PIK3R1: variants seen among roughly 807,000 people sequenced by gnomAD.
The protein encoded by PIK3R1 is phosphoinositide-3-kinase regulatory subunit 1, also known as phosphatidylinositol 3-kinase regulatory subunit alpha.
Under a neutral mutation model 98.0 loss-of-function variants are expected in PIK3R1, and 29 were observed. That is an observed-to-expected ratio of 0.30 (90% CI 0.22 to 0.40). PIK3R1 has a LOEUF of 0.40. PIK3R1 is among the 10% of genes least tolerant of loss of function. PIK3R1 has a pLI of 1.00. For missense variants in PIK3R1, 596 were observed against 872.7 expected (o/e 0.68, Z 3.99); for synonymous variants, 282 against 311.8 (o/e 0.90, Z 1.01).
chr5:68,292,162 CTAACT>C lies in PIK3R1; in HGVS notation c.917-95_917-91del, dbSNP rs1344293975. ...ACTAATGCTATATATTTCAGTTACT[CTAACT>C]TTTTATTTTTTTAAAGTAAAAGTAT... On this transcript the variant is annotated intron_variant, in intron 7 of 15. Coordinates refer to ENST00000521381, the MANE Select transcript of PIK3R1 (RefSeq NM_181523.3). 8.7e-6 allele frequency: 6 copies of C among 687,592 alleles called. No homozygotes were observed. In the African/African-American group the frequency reaches 1.1e-4, roughly 13 times the overall value. The allele number at this position is 687,592 out of a possible 1,614,324, so 42.6% of individuals were successfully genotyped here. A position where few individuals can be genotyped will look rare whatever the true frequency, so the allele number is the denominator to read the frequency against.
intron 2 of PIK3R1, among the ~76,000 whole-genome samples, chr5:68,244,710 C>T (rs1220765286): frequency 1.3e-5 from 2 of 151,870 alleles, no homozygotes; most frequent in African/African-American, 2.4e-5. Flanking sequence ...TTTCTTCCTT[C>T]GTTTTGGAAT....
At chr5:68,294,479 C>A in intron 11 of PIK3R1, 57 bp from the exon 12 acceptor site, 1 of 1,327,774 alleles carries the variant, frequency 7.5e-7, no homozygotes, top group Non-Finnish European at 1.0e-6. Flanking sequence ...TAGTGTCTTG[C>A]AGTAAGAGAT....
chr5:68,272,906 C>G (rs1746419949), intron 2 of PIK3R1, among the ~76,000 whole-genome samples: 1 of 152,170 alleles, frequency 6.6e-6, no homozygotes, highest in African/African-American at 2.4e-5. Context: ...GTCAACTGTT[C>G]AATAAAATCT....
intron 2 of PIK3R1, among the ~76,000 whole-genome samples, chr5:68,235,834 A>G (rs1478654924): frequency 1.3e-5 from 2 of 151,352 alleles, no homozygotes; most frequent in African/African-American, 4.9e-5. Context: ...AACCTTAAAC[A>G]TTTGCAAACT....
intron 2 of PIK3R1, among the ~76,000 whole-genome samples, chr5:68,267,155 C>T (rs943377509): frequency 8.5e-5 from 13 of 152,248 alleles, no homozygotes; most frequent in African/African-American, 2.2e-4. Context: ...TGCTGTACAC[C>T]GTAAATTGTA....
intron 3 of PIK3R1, 111 bp downstream of exon 3, chr5:68,273,593 C>A: frequency 1.1e-6 from 1 of 919,752 alleles, no homozygotes; most frequent in African/African-American, 1.6e-5. Flanking sequence ...CCAGCTATGT[C>A]CAGATACTCT....
At chr5:68,295,375 A>G (rs1175352592) in intron 13 of PIK3R1, 45 bp from the exon 14 acceptor site, 10 of 1,613,076 alleles carry the variant, frequency 6.2e-6, no homozygotes, top group African/African-American at 1.3e-5. Flanking sequence ...GATTGCTACA[A>G]TTCAGGATGA....
intron 2 of PIK3R1, among the ~76,000 whole-genome samples, chr5:68,246,925 C>T (rs1274232800): frequency 6.6e-6 from 1 of 151,722 alleles, no homozygotes. Flanking sequence ...AATGCTGAGC[C>T]TTAAGAGGGG....
intron 7 of PIK3R1, among the ~76,000 whole-genome samples, chr5:68,290,451 T>C (rs2112236353): frequency 6.6e-6 from 1 of 152,318 alleles, no homozygotes; most frequent in South Asian, 2.1e-4. Flanking sequence ...AACAGTCAAA[T>C]TAAACACCTT....
intron 2 of PIK3R1, among the ~76,000 whole-genome samples, chr5:68,253,983 CT>C (rs5868528): frequency 0.49 from 63,073 of 129,284 alleles, 12,425 homozygotes; most frequent in African/African-American, 0.55. Context: ...CGTGGACCCC[CT>C]TTTTTTTTTT....
intron 7 of PIK3R1, among the ~76,000 whole-genome samples, chr5:68,286,674 A>G (rs981204670): frequency 3.3e-5 from 5 of 152,216 alleles, no homozygotes; most frequent in Non-Finnish European, 5.9e-5. Flanking sequence ...AGTTTTTCCA[A>G]TCTATTTCAA....
At chr5:68,276,628 G>T (rs1470382267) in intron 4 of PIK3R1, among the ~76,000 whole-genome samples, 1 of 152,162 alleles carries the variant, frequency 6.6e-6, no homozygotes, top group African/African-American at 2.4e-5. Context: ...AGCACGTTAG[G>T]CCAGTTTCAA....
chr5:68,279,773 T>G (rs781738875), intron 5 of PIK3R1, 40 bp downstream of exon 5: 1 of 1,602,168 alleles, frequency 6.2e-7, no homozygotes, highest in Non-Finnish European at 8.6e-7. Flanking sequence ...TGAACATACA[T>G]GGAGATGTAG....
intron 2 of PIK3R1, among the ~76,000 whole-genome samples, chr5:68,259,248 GAT>G (rs1376926777): frequency 6.6e-6 from 1 of 152,134 alleles, no homozygotes; most frequent in Non-Finnish European, 1.5e-5. Flanking sequence ...TTATATTTTG[GAT>G]ATGTGGGGTT....
At chr5:68,247,447 C>T (rs1047594009) in intron 2 of PIK3R1, among the ~76,000 whole-genome samples, 2 of 151,592 alleles carry the variant, frequency 1.3e-5, no homozygotes, top group South Asian at 4.2e-4. Flanking sequence ...TACAGGCGTG[C>T]GCCACCATGC....
chr5:68,281,717 C>G (rs1746846954), intron 7 of PIK3R1, among the ~76,000 whole-genome samples: 1 of 152,070 alleles, frequency 6.6e-6, no homozygotes, highest in Admixed American at 6.6e-5. Flanking sequence ...AGTTTCAGGA[C>G]CAGTAAAAGG....
chr5:68,289,096 C>T (rs1215915595), intron 7 of PIK3R1, among the ~76,000 whole-genome samples: 4 of 152,076 alleles, frequency 2.6e-5, no homozygotes, highest in East Asian at 1.9e-4. Flanking sequence ...TGGTTTGCAC[C>T]GACGGTTCCC....
chr5:68,246,651 T>C (rs1330121044), intron 2 of PIK3R1, among the ~76,000 whole-genome samples: 1 of 151,754 alleles, frequency 6.6e-6, no homozygotes. Flanking sequence ...TGAGACGGAG[T>C]CTCGCTCTGT....
intron 3 of PIK3R1, 64 bp from the exon 4 acceptor site, chr5:68,273,875 C>G (rs1019605034): frequency 8.1e-7 from 1 of 1,228,112 alleles, no homozygotes; most frequent in Non-Finnish European, 1.2e-6. Context: ...CTGGCAGCAG[C>G]CTCACAGGTT....
Sources: gnomAD v4.1 joint callset for allele counts (sites outside exome capture counted in the v4.1 genomes callset) on GRCh38, gnomAD v4.1.1 for gene constraint, MANE v1.5 for transcripts, NCBI Gene and HGNC (gene_info 2026-07-23, HGNC 2026-07-21) for gene names.